The following GANC variants were observed in gnomAD, a reference collection of about 807,000 sequenced individuals.
The protein encoded by GANC is glucosidase alpha, neutral C.
GANC carries 117 observed loss-of-function variants against 124.2 expected under a neutral mutation model. That is an observed-to-expected ratio of 0.94 (90% CI 0.81 to 1.10). GANC has a LOEUF of 1.10. Ranked by LOEUF, GANC falls within the 50% of genes least tolerant of loss-of-function variation. The pLI is 0.00. For synonymous variants in GANC, 377 were observed against 376.8 expected (o/e 1.00, Z -0.01); for missense variants, 1,140 against 1,095.0 (o/e 1.04, Z -0.58).
intron 15 of GANC, among the ~76,000 whole-genome samples, chr15:42,335,922 A>G (rs748203115): frequency 1.3e-5 from 2 of 152,230 alleles, no homozygotes; most frequent in African/African-American, 2.4e-5. Flanking sequence ...GAGGTGAAAG[A>G]TCTCTACAAT....
intron 6 of GANC, among the ~76,000 whole-genome samples, chr15:42,301,579 A>G (rs1002103623): frequency 2.6e-5 from 4 of 152,038 alleles, no homozygotes; most frequent in African/African-American, 9.7e-5. Flanking sequence ...ACCCCCACAG[A>G]ACCCAGCAAG....
intron 14 of GANC, among the ~76,000 whole-genome samples, chr15:42,330,281 G>A (rs1400357587): frequency 3.9e-5 from 6 of 152,162 alleles, no homozygotes; most frequent in Non-Finnish European, 8.8e-5. Context: ...TTGTTACGGA[G>A]ATTATATGAG....
At chr15:42,278,775 C>T (rs541636372) in intron 3 of GANC, among the ~76,000 whole-genome samples, 185 bp downstream of exon 3, 2 of 152,292 alleles carry the variant, frequency 1.3e-5, no homozygotes, top group African/African-American at 4.8e-5. Context: ...GGGCAGATTG[C>T]TCGAGCCCAG....
At chr15:42,285,128 C>CTATCTACAAA (rs1352507881) in intron 3 of GANC, among the ~76,000 whole-genome samples, 1 of 152,156 alleles carries the variant, frequency 6.6e-6, no homozygotes, top group Non-Finnish European at 1.5e-5. Context: ...CAAATGTTTA[C>CTATCTACAAA]TGTTTTAGGT....
Position 42,327,387 on chromosome 15 carries a change from C to G in GANC, c.1445C>G (p.Thr482Ser). Residue 482 changes from threonine (T) to serine (S), a missense_variant, in exon 13 of 24, where the codon ACC (threonine) becomes AGC (serine). Transcript: ENST00000318010. ...WPGLSSYLDF[T>S]NPKVREWYSS... Reference sequence around the variant, plus strand: ...GGTCTCTCCTCTTACCTGGATTTCACCAATCCCAAGGTCAGAGAGTGGTAT... The same window carrying G: ...GGTCTCTCCTCTTACCTGGATTTCAGCAATCCCAAGGTCAGAGAGTGGTAT... The G allele has an allele frequency of 6.2e-7, 1 of 1,613,058 alleles. No individual in the cohort carries two copies.
At chr15:42,345,213 TA>T (rs768174264) in intron 19 of GANC, among the ~76,000 whole-genome samples, 5,509 of 144,048 alleles carry the variant, frequency 0.038, 117 homozygotes, top group African/African-American at 0.059. Context: ...GTGCTTTGTT[TA>T]AAAAAAAAAA....
At chr15:42,338,082 T>G (rs2052297216) in intron 15 of GANC, among the ~76,000 whole-genome samples, 1 of 151,966 alleles carries the variant, frequency 6.6e-6, no homozygotes, top group African/African-American at 2.4e-5. Context: ...ACAAACCACA[T>G]GTATTATATG....
At chr15:42,326,018 A>C (rs1383225928) in intron 11 of GANC, among the ~76,000 whole-genome samples, 1 of 152,172 alleles carries the variant, frequency 6.6e-6, no homozygotes, top group East Asian at 1.9e-4. Flanking sequence ...TTGGCCTCCC[A>C]ATGTGTTGGG....
intron 1 of GANC, 106 bp downstream of exon 1, chr15:42,274,616 T>TA (rs1278062725): frequency 2.7e-6 from 3 of 1,120,986 alleles, no homozygotes; most frequent in Non-Finnish European, 3.8e-6. Context: ...TGCTGACCTT[T>TA]ATCTTTTCTC....
chr15:42,277,913 T>A (rs1215647247), intron 2 of GANC: 1 of 75,356 alleles, frequency 1.3e-5, no homozygotes, highest in African/African-American at 5.6e-5. Flanking sequence ...TAATGTTCAT[T>A]TGAAAAAAAA....
rs767003218 is a variant in GANC, at chr15:42,330,588, G to A, written c.1657G>A (p.Ala553Thr). Residue 553 changes from alanine (A) to threonine (T), a missense_variant, in exon 15 of 24, where the codon GCA (alanine) becomes ACA (threonine). Transcript: ENST00000318010. Reference sequence around the variant, plus strand: ...TTTGGTGATATAGCAAATGGCTACTGCAGAAGGACTGATAAAACGATCTAA... The same window carrying A: ...TTTGGTGATATAGCAAATGGCTACTACAGAAGGACTGATAAAACGATCTAA... Reference protein sequence around the residue: ...IYGFYHQMATAEGLIKRSKGK... With the variant: ...IYGFYHQMATTEGLIKRSKGK... 1.2e-6 allele frequency: 2 copies of A among 1,612,656 alleles called. No homozygotes were observed. The highest frequency in any genetic ancestry group is 1.7e-6 in the Non-Finnish European group (2 of 1,179,344).
chr15:42,311,492 A>G lies in GANC; in HGVS notation c.1057+646A>G, dbSNP rs562353740. 6.5e-4 allele frequency among the ~76,000 whole-genome samples: 99 copies of G among 152,320 alleles called. 2 individuals carry two copies. In the South Asian group the frequency reaches 0.02, roughly 31 times the overall value. On this transcript the variant is annotated intron_variant, in intron 10 of 23. Transcript: ENST00000318010. The stretch of plus-strand genomic sequence containing the variant: ...ATCCACTCTCACACTGCTAAGAAGA[A>G]ATACCTGAAACTGGGCAATTTATAA...
At chr15:42,328,002 T>C (rs911916909) in intron 13 of GANC, among the ~76,000 whole-genome samples, 3 of 152,168 alleles carry the variant, frequency 2.0e-5, no homozygotes, top group Admixed American at 2.0e-4. Flanking sequence ...TTCATGTGCA[T>C]CATACCATTT....
intron 20 of GANC, 147 bp downstream of exon 20, chr15:42,345,979 GTGC>G: frequency 1.6e-6 from 1 of 617,606 alleles, no homozygotes; most frequent in Non-Finnish European, 2.9e-6. Flanking sequence ...CCAGATCAAG[GTGC>G]CAGCCGATTC....
At chr15:42,295,260 G>T (rs191072877) in intron 5 of GANC, among the ~76,000 whole-genome samples, 2 of 151,794 alleles carry the variant, frequency 1.3e-5, no homozygotes, top group Non-Finnish European at 2.9e-5. Flanking sequence ...AGGCATGAGC[G>T]ACCACGCCCC....
chr15:42,347,524 A>G (rs896988340), intron 20 of GANC, among the ~76,000 whole-genome samples: 4 of 152,196 alleles, frequency 2.6e-5, no homozygotes, highest in Admixed American at 2.6e-4. Context: ...TAAGAGCAGC[A>G]GTTTCACAGA....
At chr15:42,302,612 G>A (rs958905079) in intron 6 of GANC, among the ~76,000 whole-genome samples, 1 of 151,988 alleles carries the variant, frequency 6.6e-6, no homozygotes, top group Non-Finnish European at 1.5e-5. Flanking sequence ...CTTGAAAAAA[G>A]GTTAGAGGAA....
At chr15:42,340,952 G>A (rs1276688563) in intron 18 of GANC, among the ~76,000 whole-genome samples, 198 bp downstream of exon 18, 5 of 151,676 alleles carry the variant, frequency 3.3e-5, no homozygotes, top group Non-Finnish European at 7.4e-5. Flanking sequence ...TTTTAGTAGA[G>A]ACAGGGTTTC....
intron 17 of GANC, 72 bp from the exon 18 acceptor site, chr15:42,340,617 AC>A: frequency 3.3e-5 from 40 of 1,227,966 alleles, no homozygotes; most frequent in Non-Finnish European, 3.4e-5. Flanking sequence ...AAAAAAAAAA[AC>A]TAAAAATATA....
Sources: allele counts gnomAD v4.1 joint callset (sites outside exome capture counted in the v4.1 genomes callset), GRCh38; gene constraint gnomAD v4.1.1; transcripts MANE v1.5; gene names NCBI Gene and HGNC (gene_info 2026-07-23, HGNC 2026-07-21).